The following NBPF19 variants were observed in gnomAD, a reference collection of about 807,000 sequenced individuals.
NBPF19 encodes NBPF member 19.
In NBPF19, 30 loss-of-function variants were observed where a neutral mutation model predicts 45.9. That is an observed-to-expected ratio of 0.65 (90% confidence interval 0.49 to 0.89). The LOEUF (loss-of-function observed/expected upper bound fraction) is 0.89. NBPF19 is among the 40% of genes least tolerant of loss of function. The pLI, the probability that NBPF19 is intolerant of heterozygous loss-of-function variation, is 0.00. For synonymous variants in NBPF19, 183 were observed against 181.2 expected (o/e 1.01, Z -0.08); for missense variants, 495 against 471.8 (o/e 1.05, Z -0.46).
chr1:149,554,801 T>A lies in NBPF19; in HGVS notation c.*63T>A. The A allele has an allele frequency of 6.2e-7, 1 of 1,604,374 alleles. No individual in the cohort carries two copies. The highest frequency in any genetic ancestry group is 8.5e-7 in the Non-Finnish European group (1 of 1,173,766). On this transcript the variant is annotated 3_prime_UTR_variant, in exon 94 of 94. Transcript: ENST00000651566. ...GCAGGACCTATAGGCACGTGAAGAT[T>A]TGAATGAAACTACAGTTCCATTTGG... is the stretch of plus-strand genomic sequence containing the variant.
Position 149,554,720 on chromosome 1 carries a change from A to G in NBPF19, c.11514A>G (p.Leu3838=). ...GTCTCCATCTGGTGTTCCAGATGTT[A>G]GTCATATTCCCACAATAGGCAGCCC... ...VTSLHLVFQM[L]VIFPQ Residue 3838 remains leucine (L), a synonymous_variant, in exon 94 of 94, where the codon TTA becomes TTG. Coordinates refer to ENST00000651566, the MANE Select transcript of NBPF19 (RefSeq NM_001351365.2). The G allele has an allele frequency of 6.2e-7, 1 of 1,608,120 alleles. No homozygotes were observed. Among genetic ancestry groups the G allele is most frequent in the Admixed American group, 1.7e-5 (1 of 59,902 alleles).
In NBPF19 at chr1:149,487,994, C is replaced by T. The variant is rs1300447477; in HGVS notation, c.1041-19C>T. On this transcript the variant is annotated intron_variant, in intron 9 of 93. Transcript: ENST00000651566. Reference sequence around the variant, plus strand: ...CTGATTCCCCCTGGCTTATTCTTTACTTTTTCCCACTTTTCCAGGCTCAGC... The same window carrying T: ...CTGATTCCCCCTGGCTTATTCTTTATTTTTTCCCACTTTTCCAGGCTCAGC... 2.9e-6 allele frequency: 2 copies of T among 688,992 alleles called. No homozygotes were observed. The highest frequency in any genetic ancestry group is 5.3e-6 in the Non-Finnish European group (2 of 375,012). 42.7% of individuals were successfully genotyped at this position (688,992 alleles called of 1,614,324 possible). A position where few individuals can be genotyped will look rare whatever the true frequency, so the allele number is the denominator to read the frequency against.
At chr1:149,528,996 A>G (rs1469444421) in intron 61 of NBPF19, among the ~76,000 whole-genome samples, 178 bp from the exon 62 acceptor site, 1 of 122,986 alleles carries the variant, frequency 8.1e-6, no homozygotes, top group Non-Finnish European at 1.7e-5. Flanking sequence ...TTTCTCTTTC[A>G]TTCTTTTCCA....
chr1:149,514,646 AGT>A (rs2086326745), intron 43 of NBPF19, among the ~76,000 whole-genome samples: 13 of 91,980 alleles, frequency 1.4e-4, no homozygotes, highest in Non-Finnish European at 3.3e-4. Flanking sequence ...CTCCCTCATC[AGT>A]GTGTCACCTG....
In NBPF19 at chr1:149,475,556, T is replaced by A. The variant is rs1203502070; in HGVS notation, c.-275T>A. 6.4e-6 allele frequency: 5 copies of A among 781,632 alleles called. 1 individual carries two copies. Among genetic ancestry groups the A allele is most frequent in the Non-Finnish European group, 1.0e-5 (5 of 493,890 alleles). The allele number at this position is 781,632 out of a possible 1,614,324, so 48.4% of individuals were successfully genotyped here. On this transcript the variant is annotated 5_prime_UTR_variant, in exon 1 of 94. Transcript: ENST00000651566. The stretch of plus-strand genomic sequence containing the variant: ...TCAGGTGAAAGTAGGGTGCCTGTGT[T>A]TCAGCAAAGCCTGGGCAATTGGAAT...
intron 9 of NBPF19, 52 bp downstream of exon 9, chr1:149,487,435 C>A: frequency 2.1e-6 from 2 of 961,788 alleles, no homozygotes; most frequent in South Asian, 1.3e-5. Flanking sequence ...CCTGGAGATG[C>A]CAAGTCCAGG....
chr1:149,554,744 C>T lies in NBPF19; in HGVS notation c.*6C>T. Reference sequence around the variant, plus strand: ...TAGTCATATTCCCACAATAGGCAGCCCTTACTAAGCCGAGAGATGTCATTC... The same window carrying T: ...TAGTCATATTCCCACAATAGGCAGCTCTTACTAAGCCGAGAGATGTCATTC... On this transcript the variant is annotated 3_prime_UTR_variant, in exon 94 of 94. Coordinates refer to ENST00000651566, the MANE Select transcript of NBPF19 (RefSeq NM_001351365.2). 1.2e-6 allele frequency: 2 copies of T among 1,607,948 alleles called. No individual in the cohort carries two copies. The highest frequency in any genetic ancestry group is 1.1e-5 in the South Asian group (1 of 90,882).
intron 8 of NBPF19, 27 bp from the exon 9 acceptor site, chr1:149,487,305 A>G: frequency 6.5e-7 from 1 of 1,537,230 alleles, no homozygotes; most frequent in Non-Finnish European, 8.9e-7. Flanking sequence ...ACTTAATGTA[A>G]GAGGGCCCAT....
At chr1:149,487,046 G>C (rs1401610686) in intron 8 of NBPF19, among the ~76,000 whole-genome samples, 3 of 150,630 alleles carry the variant, frequency 2.0e-5, no homozygotes, top group Non-Finnish European at 3.0e-5. Flanking sequence ...AGAACTATTT[G>C]CCTACAATTT....
At chr1:149,487,550 C>G (rs1392757298) in intron 9 of NBPF19, among the ~76,000 whole-genome samples, 167 bp downstream of exon 9, 1 of 150,968 alleles carries the variant, frequency 6.6e-6, no homozygotes, top group Non-Finnish European at 1.5e-5. Flanking sequence ...GTTTAGGTTT[C>G]CATTTCTTCC....
rs1288629738 is a variant in NBPF19 at position 149,554,902 on chromosome 1, C to T, written c.*164C>T. 10 of 1,331,314 alleles carry T rather than the reference C, an allele frequency of 7.5e-6. No homozygotes were observed. The highest frequency in any genetic ancestry group is 2.1e-5 in the Admixed American group (1 of 47,170). 82.5% of individuals were successfully genotyped at this position (1,331,314 alleles called of 1,614,324 possible). ...AACCATGCCAGTGGCAACCTGTGCT[C>T]AGTCTGAAGACAATGGACCCACGTT... On this transcript the variant is annotated 3_prime_UTR_variant, in exon 94 of 94. Coordinates refer to ENST00000651566, the MANE Select transcript of NBPF19 (RefSeq NM_001351365.2).
chr1:149,486,490 C>T (rs1405799315), intron 8 of NBPF19, among the ~76,000 whole-genome samples, 197 bp downstream of exon 8: 6 of 151,010 alleles, frequency 4.0e-5, no homozygotes, highest in African/African-American at 1.5e-4. Context: ...GCTTTACTCT[C>T]TTCCTAGTCT....
At chr1:149,487,781 G>C (rs1189915171) in intron 9 of NBPF19, among the ~76,000 whole-genome samples, 19 of 115,704 alleles carry the variant, frequency 1.6e-4, no homozygotes, top group Admixed American at 7.0e-4. Flanking sequence ...CGCTCTGTGT[G>C]TGTGTGTGTG....
intron 4 of NBPF19, among the ~76,000 whole-genome samples, chr1:149,479,871 G>A (rs1407442551): frequency 1.3e-5 from 2 of 150,822 alleles, no homozygotes; most frequent in African/African-American, 4.9e-5. Context: ...CCAACGTCCA[G>A]AGAGAGGCTG....
At chr1:149,487,448 A>G (rs2085605163) in intron 9 of NBPF19, 65 bp downstream of exon 9, 3 of 926,942 alleles carry the variant, frequency 3.2e-6, no homozygotes, top group African/African-American at 1.6e-5. Context: ...AGTCCAGGGA[A>G]AACAGTACAT....
chr1:149,554,484 T>C lies in NBPF19; in HGVS notation c.11289-11T>C, dbSNP rs2087191644. The C allele has an allele frequency of 1.2e-6, 2 of 1,608,228 alleles. No homozygotes were observed. Among genetic ancestry groups the C allele is most frequent in the Non-Finnish European group, 1.7e-6 (2 of 1,176,714 alleles). ...CCCTGGCTGCTTCTTTAGTTTTGTC[T>C]CCTTTTCCAGGCTCAACAGCGTGCT... is the stretch of plus-strand genomic sequence containing the variant. On this transcript the variant is annotated splice_polypyrimidine_tract_variant and intron_variant, in intron 93 of 93. Coordinates refer to ENST00000651566, the MANE Select transcript of NBPF19 (RefSeq NM_001351365.2).
rs1323888804 is a variant in NBPF19 at position 149,487,515 on chromosome 1, C to T, written c.1040+132C>T. 1.4e-5 allele frequency: 14 copies of T among 993,336 alleles called. No individual in the cohort carries two copies. The African/African-American group carries it at 1.6e-4, about 11-fold the overall frequency. 61.5% of individuals were successfully genotyped at this position (993,336 alleles called of 1,614,324 possible). A position where few individuals can be genotyped will look rare whatever the true frequency, so the allele number is the denominator to read the frequency against. ...AGTCTGAATTATGCCTAATACATTGCTTTTTTGTTCTCATTAGAGTAAATG... is the reference window on the plus strand; with the variant it reads ...AGTCTGAATTATGCCTAATACATTGTTTTTTTGTTCTCATTAGAGTAAATG... On this transcript the variant is annotated intron_variant, in intron 9 of 93. Coordinates refer to ENST00000651566, the MANE Select transcript of NBPF19 (RefSeq NM_001351365.2).
intron 2 of NBPF19, among the ~76,000 whole-genome samples, chr1:149,477,172 G>T (rs2084888648): frequency 6.7e-6 from 1 of 149,704 alleles, no homozygotes; most frequent in African/African-American, 2.5e-5. Flanking sequence ...CATCTGTTCA[G>T]AGGGTACTAC....
chr1:149,516,118 G>C (rs1279189538), intron 45 of NBPF19, among the ~76,000 whole-genome samples, 188 bp downstream of exon 45: 1 of 112,832 alleles, frequency 8.9e-6, no homozygotes, highest in East Asian at 2.7e-4. Flanking sequence ...TCATTTACTA[G>C]CGTACCATAG....
Sources: gnomAD v4.1 joint callset for allele counts (sites outside exome capture counted in the v4.1 genomes callset) on GRCh38, gnomAD v4.1.1 for gene constraint, MANE v1.5 for transcripts, NCBI Gene and HGNC (gene_info 2026-07-23, HGNC 2026-07-21) for gene names.